Variants in CCHCR1 observed in about 807,000 individuals in gnomAD.
CCHCR1 encodes coiled-coil alpha-helical rod protein 1, also known as HCR (a-helix coiled-coil rod homologue).
In CCHCR1, 91 loss-of-function variants were observed where a neutral mutation model predicts 114.6. The observed-to-expected ratio is 0.79, with a 90% CI of 0.67 to 0.94. CCHCR1 has a LOEUF of 0.94. Among genes scored for constraint, CCHCR1 ranks in the 40% least tolerant of loss-of-function variants. CCHCR1 has a pLI of 0.00. For missense variants in CCHCR1, 899 were observed against 1,079.9 expected (o/e 0.83, Z 2.35); for synonymous variants, 379 against 428.5 (o/e 0.88, Z 1.43).
rs937381059 is a variant in CCHCR1, at chr6:31,154,040, A to G, written c.801+456T>C. Among the ~76,000 whole-genome samples, 6 of 152,224 alleles carry G rather than the reference A, an allele frequency of 3.9e-5. No individual in the cohort carries two copies. The highest frequency in any genetic ancestry group is 1.4e-4 in the African/African-American group (6 of 41,456). On this transcript the variant is annotated intron_variant, in intron 4 of 17. Transcript: ENST00000396268. This position sits in a 1 kb window ranked among gnomAD's most constrained non-coding sequence, Gnocchi z 4.1. ...TGTGTATATCCCCCACGAGGCTGTC[A>G]GTTCCATCCACGAAGGCAGGACTCA...
At chr6:31,153,150 T>C (rs1561819147) in intron 4 of CCHCR1, among the ~76,000 whole-genome samples, 1 of 152,080 alleles carries the variant, frequency 6.6e-6, no homozygotes, top group East Asian at 1.9e-4. Flanking sequence ...CGGCTAATTT[T>C]TGTATTTTTT....
At position 31,143,364 on chromosome 6, in the gene CCHCR1, C is replaced by T. The variant is rs776682186; in HGVS notation, c.2217G>A (p.Arg739=). ...CCTGCAGACGCCTGAGTTCCTGGCT[C>T]CGCTCCTTTTCCTGGGCGGCTCTGC... is the stretch of plus-strand genomic sequence containing the variant. ...IQRRAAQEKE[R]SQELRRLQEE... is the part of the protein sequence containing the mutation. The change falls in exon 16 of 18, where the codon CGG becomes CGA. Residue 739 remains arginine (R), a synonymous_variant. Coordinates refer to ENST00000396268, the MANE Select transcript of CCHCR1 (RefSeq NM_001105564.2). The surrounding 1 kb of genome is among the most constrained non-coding windows in gnomAD (Gnocchi z 5.3). 8.2e-5 allele frequency: 133 copies of T among 1,612,878 alleles called. No homozygotes were observed. The highest frequency in any genetic ancestry group is 1.1e-4 in the Non-Finnish European group (130 of 1,180,060).
rs1400891839 is a variant in CCHCR1, at chr6:31,151,995, C to G, written c.802-873G>C. 6.6e-6 allele frequency among the ~76,000 whole-genome samples: 1 copy of G among 152,122 alleles called. No homozygotes were observed. Among genetic ancestry groups the G allele is most frequent in the Non-Finnish European group, 1.5e-5 (1 of 68,038 alleles). On this transcript the variant is annotated intron_variant, in intron 4 of 17. Coordinates refer to ENST00000396268, the MANE Select transcript of CCHCR1 (RefSeq NM_001105564.2). This position sits in a 1 kb window ranked among gnomAD's most constrained non-coding sequence, Gnocchi z 4.1. ...ATACAAATCTAATCATGTTATTTCCCTGCTTAAAACCTTTCAACAGGCCGG... is the reference window on the plus strand; with the variant it reads ...ATACAAATCTAATCATGTTATTTCCGTGCTTAAAACCTTTCAACAGGCCGG...
chr6:31,156,381 A>G, intron 3 of CCHCR1: 1 of 303,670 alleles, frequency 3.3e-6, no homozygotes, highest in East Asian at 8.0e-5. Flanking sequence ...CTTCCATCAG[A>G]ATGAACCCAC....
In CCHCR1 at chr6:31,154,526, C is replaced by A; in HGVS notation, c.771G>T (p.Leu257=). ...CTTGGTGCAGCCTCTGAACCTCTTC[C>A]AGCTCCCGCTGGCTCCCCTCTTCCA... ...KNLEEGSQRE[L]EEVQRLHQEQ... is the part of the protein sequence containing the mutation. The change falls in exon 4 of 18, where the codon CTG becomes CTT. Residue 257 remains leucine (L), a synonymous_variant. Transcript: ENST00000396268. The surrounding 1 kb of genome is among the most constrained non-coding windows in gnomAD (Gnocchi z 4.1). 6.2e-7 allele frequency: 1 copy of A among 1,612,648 alleles called. No homozygotes were observed. Among genetic ancestry groups the A allele is most frequent in the South Asian group, 1.1e-5 (1 of 91,062 alleles).
Position 31,150,906 on chromosome 6 carries a change from C to T in CCHCR1, c.966-46G>A, listed in dbSNP as rs749368106. On this transcript the variant is annotated intron_variant, in intron 5 of 17. Transcript: ENST00000396268. The surrounding 1 kb of genome is among the most constrained non-coding windows in gnomAD (Gnocchi z 5.3). ...GGACAGCCATCAGTGGGGCGCCCTG[C>T]AGATCCACCACATCACTAATTGCTG... 1.9e-6 allele frequency: 3 copies of T among 1,611,004 alleles called. No homozygotes were observed. The South Asian group carries it at 3.3e-5, about 18-fold the overall frequency.
At chr6:31,147,700 C>T (rs1774555588) in intron 10 of CCHCR1, among the ~76,000 whole-genome samples, 2 of 152,266 alleles carry the variant, frequency 1.3e-5, no homozygotes. Flanking sequence ...GGTGCAGTGG[C>T]TCACACCTAT....
Position 31,154,482 on chromosome 6 carries a change from A to G in CCHCR1, c.801+14T>C. Reference sequence around the variant, plus strand: ...TCCGTTATGAATTTGAATCCTTTCTACCCCTGCATTCACCTGCTCTTGGTG... The same window carrying G: ...TCCGTTATGAATTTGAATCCTTTCTGCCCCTGCATTCACCTGCTCTTGGTG... On this transcript the variant is annotated intron_variant, in intron 4 of 17. Transcript: ENST00000396268. The surrounding 1 kb of genome is among the most constrained non-coding windows in gnomAD (Gnocchi z 4.1). 1 of 1,596,474 alleles carries G rather than the reference A, an allele frequency of 6.3e-7. No individual in the cohort carries two copies. The highest frequency in any genetic ancestry group is 8.6e-7 in the Non-Finnish European group (1 of 1,166,366).
rs190832200 is a variant in CCHCR1, at chr6:31,144,808, G to A, written c.2066-20C>T. 70 of 1,611,432 alleles carry A rather than the reference G, an allele frequency of 4.3e-5. 1 individual carries two copies. The Admixed American group carries it at 7.7e-4, about 18-fold the overall frequency. On this transcript the variant is annotated intron_variant, in intron 14 of 17. Transcript: ENST00000396268. This position sits in a 1 kb window ranked among gnomAD's most constrained non-coding sequence, Gnocchi z 4.6. ...GCAGGGCTGGGGTGAAAGTGCAGACGGGGCATATCAGCAGGAGCTTTGATT... is the reference window on the plus strand; with the variant it reads ...GCAGGGCTGGGGTGAAAGTGCAGACAGGGCATATCAGCAGGAGCTTTGATT...
intron 3 of CCHCR1, among the ~76,000 whole-genome samples, chr6:31,155,777 G>A (rs9263782): frequency 0.15 from 22,084 of 151,974 alleles, 1,690 homozygotes; most frequent in African/African-American, 0.16. Flanking sequence ...GACTATAAGA[G>A]ATTGTTGTTG....
rs541738244 is a variant in CCHCR1 at position 31,150,234 on chromosome 6, G to A, written c.1213-19C>T. ...GTTGAACCTGAGGGAGAAGGAGTGG[G>A]AGAAAAGTGTGGGCTCCTGGGGGAG... is the stretch of plus-strand genomic sequence containing the variant. On this transcript the variant is annotated intron_variant, in intron 7 of 17. Transcript: ENST00000396268. The surrounding 1 kb of genome is among the most constrained non-coding windows in gnomAD (Gnocchi z 5.3). 3 of 1,613,356 alleles carry A rather than the reference G, an allele frequency of 1.9e-6. No individual in the cohort carries two copies. In the Admixed American group the frequency reaches 5.0e-5, roughly 27 times the overall value.
rs1261914453 is a variant in CCHCR1, at chr6:31,151,149, G to A, written c.802-27C>T. 1.9e-6 allele frequency: 3 copies of A among 1,603,140 alleles called. No individual in the cohort carries two copies. In the South Asian group the frequency reaches 3.3e-5, roughly 18 times the overall value. ...TGCGGAAAGAAGAGGGGGCTCAGCA[G>A]AGGCTCGACCCCACATGGAGGCCTT... On this transcript the variant is annotated intron_variant, in intron 4 of 17. Coordinates refer to ENST00000396268, the MANE Select transcript of CCHCR1 (RefSeq NM_001105564.2). The surrounding 1 kb of genome is among the most constrained non-coding windows in gnomAD (Gnocchi z 4.1).
chr6:31,154,493 C>T lies in CCHCR1; in HGVS notation c.801+3G>A, dbSNP rs1199353277. On this transcript the variant is annotated splice_donor_region_variant and intron_variant, in intron 4 of 17. Transcript: ENST00000396268. The surrounding 1 kb of genome is among the most constrained non-coding windows in gnomAD (Gnocchi z 4.1). ...TTTGAATCCTTTCTACCCCTGCATT[C>T]ACCTGCTCTTGGTGCAGCCTCTGAA... The T allele has an allele frequency of 4.4e-6, 7 of 1,605,924 alleles. No individual in the cohort carries two copies. The highest frequency in any genetic ancestry group is 6.0e-6 in the Non-Finnish European group (7 of 1,174,082).
At chr6:31,152,266 A>G (rs1381149482) in intron 4 of CCHCR1, among the ~76,000 whole-genome samples, 4 of 134,252 alleles carry the variant, frequency 3.0e-5, no homozygotes, top group African/African-American at 1.1e-4. Flanking sequence ...TGGGCGACAG[A>G]GCGAGACTCC....
Position 31,150,375 on chromosome 6 carries a change from T to C in CCHCR1, c.1212+80A>G. The C allele has an allele frequency of 7.2e-7, 1 of 1,380,626 alleles. No homozygotes were observed. Among genetic ancestry groups the C allele is most frequent in the Non-Finnish European group, 1.0e-6 (1 of 982,064 alleles). The allele number at this position is 1,380,626 out of a possible 1,614,324, so 85.5% of individuals were successfully genotyped here. Reference sequence around the variant, plus strand: ...GCAGGTTCTGGGGCACATTGACCCCTCCTGCCCACAGGGAGGGAGGCAGGG... The same window carrying C: ...GCAGGTTCTGGGGCACATTGACCCCCCCTGCCCACAGGGAGGGAGGCAGGG... On this transcript the variant is annotated intron_variant, in intron 7 of 17. Coordinates refer to ENST00000396268, the MANE Select transcript of CCHCR1 (RefSeq NM_001105564.2). The surrounding 1 kb of genome is among the most constrained non-coding windows in gnomAD (Gnocchi z 5.3).
Position 31,150,400 on chromosome 6 carries a change from G to C in CCHCR1, c.1212+55C>G, listed in dbSNP as rs1775036926. ...TCCTGCCCACAGGGAGGGAGGCAGGGGACAGTAGATGCAGGATGCGGCTGA... is the reference window on the plus strand; with the variant it reads ...TCCTGCCCACAGGGAGGGAGGCAGGCGACAGTAGATGCAGGATGCGGCTGA... On this transcript the variant is annotated intron_variant, in intron 7 of 17. Coordinates refer to ENST00000396268, the MANE Select transcript of CCHCR1 (RefSeq NM_001105564.2). The surrounding 1 kb of genome is among the most constrained non-coding windows in gnomAD (Gnocchi z 5.3). 2.0e-6 allele frequency: 3 copies of C among 1,481,682 alleles called. No individual in the cohort carries two copies. Among genetic ancestry groups the C allele is most frequent in the South Asian group, 2.3e-5 (2 of 85,578 alleles). 91.8% of individuals were successfully genotyped at this position (1,481,682 alleles called of 1,614,324 possible).
chr6:31,153,853 C>T (rs963736267), intron 4 of CCHCR1, among the ~76,000 whole-genome samples: 8 of 152,258 alleles, frequency 5.3e-5, no homozygotes, highest in Non-Finnish European at 1.5e-5. Flanking sequence ...GCTGGGATTA[C>T]AGGCGTGAGC....
chr6:31,156,250 C>T (rs1245310056), intron 3 of CCHCR1: 1 of 157,708 alleles, frequency 6.3e-6, no homozygotes, highest in Non-Finnish European at 1.4e-5. Context: ...TATTCTGGAG[C>T]AAAATGGCAG....
At chr6:31,152,401 C>T (rs1775374629) in intron 4 of CCHCR1, among the ~76,000 whole-genome samples, 2 of 151,784 alleles carry the variant, frequency 1.3e-5, no homozygotes, top group South Asian at 2.1e-4. Flanking sequence ...TGCAATGGCA[C>T]GATCTCAGCT....
Sources: allele counts gnomAD v4.1 joint callset (sites outside exome capture counted in the v4.1 genomes callset), GRCh38; gene constraint gnomAD v4.1.1; non-coding constraint Gnocchi (gnomAD v3.1); transcripts MANE v1.5; gene names NCBI Gene and HGNC (gene_info 2026-07-23, HGNC 2026-07-21).